The following ABI3BP variants were observed in gnomAD, a reference collection of about 807,000 sequenced individuals.
The protein encoded by ABI3BP is ABI family member 3 binding protein.
Under a neutral mutation model 268.6 loss-of-function variants are expected in ABI3BP, and 216 were observed. The observed-to-expected ratio is 0.80, with a 90% CI of 0.72 to 0.90. The LOEUF (loss-of-function observed/expected upper bound fraction) is 0.90. ABI3BP is among the 40% of genes least tolerant of loss of function. The pLI is 0.00. For missense variants in ABI3BP, 2,090 were observed against 2,182.4 expected, an observed-to-expected ratio of 0.96 and a Z score of 0.84; for synonymous variants, 730 against 730.0, an observed-to-expected ratio of 1.00 and a Z score of 0.00.
At chr3:100,787,590 A>G in intron 57 of ABI3BP, 138 bp downstream of exon 57, 1 of 666,108 alleles carries the variant, frequency 1.5e-6, no homozygotes, top group Non-Finnish European at 2.3e-6. Flanking sequence ...ATGAGTTATA[A>G]TTTTCAGTTA....
chr3:100,924,627 TA>T (rs1420738934), intron 2 of ABI3BP, among the ~76,000 whole-genome samples: 1 of 152,122 alleles, frequency 6.6e-6, no homozygotes, highest in African/African-American at 2.4e-5. Flanking sequence ...TTTCCTGTAA[TA>T]AAAAACTTTA....
chr3:100,925,745 T>C (rs1182678176), intron 2 of ABI3BP, among the ~76,000 whole-genome samples: 4 of 152,098 alleles, frequency 2.6e-5, no homozygotes, highest in African/African-American at 4.8e-5. Context: ...ATGGTTTTAT[T>C]TGCAAATAAT....
chr3:100,859,195 C>T (rs1200930097), intron 14 of ABI3BP, among the ~76,000 whole-genome samples: 6 of 152,082 alleles, frequency 3.9e-5, no homozygotes, highest in East Asian at 1.9e-4. Flanking sequence ...TTCTGCTGGT[C>T]GTTGGCTGAA....
chr3:100,889,557 G>C (rs2043539834), intron 4 of ABI3BP, among the ~76,000 whole-genome samples: 1 of 151,940 alleles, frequency 6.6e-6, no homozygotes, highest in Non-Finnish European at 1.5e-5. Context: ...GATTAAAATT[G>C]AGCACAAGTG....
At chr3:100,978,939 G>A (rs916871118) in intron 1 of ABI3BP, among the ~76,000 whole-genome samples, 1 of 152,198 alleles carries the variant, frequency 6.6e-6, no homozygotes, top group Non-Finnish European at 1.5e-5. Flanking sequence ...GTGAAAGTGG[G>A]GGAGGTTAGG....
At chr3:100,817,729 T>C (rs2098100818) in intron 41 of ABI3BP, among the ~76,000 whole-genome samples, 1 of 152,218 alleles carries the variant, frequency 6.6e-6, no homozygotes, top group Admixed American at 6.5e-5. Context: ...ATCTGATTCT[T>C]GCTACACATT....
At chr3:100,933,324 A>C (rs1008172323) in intron 1 of ABI3BP, among the ~76,000 whole-genome samples, 1 of 151,966 alleles carries the variant, frequency 6.6e-6, no homozygotes, top group Non-Finnish European at 1.5e-5. Flanking sequence ...TCAATAAAAT[A>C]ATAACATCAT....
At chr3:100,967,107 T>G (rs2081624234) in intron 1 of ABI3BP, among the ~76,000 whole-genome samples, 1 of 152,192 alleles carries the variant, frequency 6.6e-6, no homozygotes. Flanking sequence ...CTCTGGGGTT[T>G]TGGTCTCTGA....
At position 100,951,618 on chromosome 3, in the gene ABI3BP, A is replaced by G. The variant is rs7647640; in HGVS notation, c.80-25137T>C. On this transcript the variant is annotated intron_variant, in intron 1 of 67. Coordinates refer to ENST00000471714, the MANE Select transcript of ABI3BP (RefSeq NM_001375547.2). Reference sequence around the variant, plus strand: ...CTCAAAACCAGTTTACTTCTCTACCATCTATGATGTGTCACAGTCCTAGGC... The same window carrying G: ...CTCAAAACCAGTTTACTTCTCTACCGTCTATGATGTGTCACAGTCCTAGGC... 8.0e-4 allele frequency among the ~76,000 whole-genome samples: 121 copies of G among 152,000 alleles called. 2 individuals carry two copies. The highest frequency in any genetic ancestry group is 2.8e-3 in the African/African-American group (116 of 41,328).
chr3:100,772,994 C>T (rs1413466623), intron 61 of ABI3BP, among the ~76,000 whole-genome samples: 1 of 150,240 alleles, frequency 6.7e-6, no homozygotes. Flanking sequence ...AGGAAAATCA[C>T]TTGAACCCAG....
At chr3:100,984,800 A>G (rs1327295644) in intron 1 of ABI3BP, among the ~76,000 whole-genome samples, 3 of 152,126 alleles carry the variant, frequency 2.0e-5, no homozygotes, top group African/African-American at 7.2e-5. Context: ...CTTTCCTACC[A>G]TGTGCCTCCT....
chr3:100,811,641 G>T, intron 47 of ABI3BP, 87 bp downstream of exon 47: 1 of 1,336,970 alleles, frequency 7.5e-7, no homozygotes, highest in Non-Finnish European at 1.0e-6. Context: ...AAGTACCACA[G>T]CTTGAACTTT....
rs140580875 is a variant in ABI3BP, at chr3:100,799,773, C to T, written c.3758-3305G>A. Among the ~76,000 whole-genome samples, 631 of 152,210 alleles carry T rather than the reference C, an allele frequency of 4.1e-3. 4 individuals are homozygous for T. Among genetic ancestry groups the T allele is most frequent in the Non-Finnish European group, 7.5e-3 (510 of 68,006 alleles). ...TGGATTTCCGGTTTCTTATTTTCTC[C>T]ATCTATATTTTCTCCTCTATGATAT... On this transcript the variant is annotated intron_variant, in intron 51 of 67. Coordinates refer to ENST00000471714, the MANE Select transcript of ABI3BP (RefSeq NM_001375547.2).
chr3:100,789,331 C>T, intron 56 of ABI3BP, 123 bp downstream of exon 56: 1 of 847,900 alleles, frequency 1.2e-6, no homozygotes, highest in Non-Finnish European at 1.8e-6. Context: ...CCACACAGAT[C>T]AGAGTCTCTG....
intron 57 of ABI3BP, among the ~76,000 whole-genome samples, chr3:100,782,670 G>A (rs2096905627): frequency 6.6e-6 from 1 of 152,094 alleles, no homozygotes; most frequent in African/African-American, 2.4e-5. Context: ...AGAGACTAGT[G>A]AACATCTCTT....
intron 61 of ABI3BP, among the ~76,000 whole-genome samples, chr3:100,772,916 T>G (rs9823432): frequency 0.13 from 18,978 of 151,548 alleles, 1,253 homozygotes; most frequent in Middle Eastern, 0.15. Context: ...ACATCTCTAC[T>G]AAAAATACAA....
At position 100,803,155 on chromosome 3, in the gene ABI3BP, G is replaced by A. The variant is rs2097578533; in HGVS notation, c.3757+1637C>T. Among the ~76,000 whole-genome samples the A allele has an allele frequency of 1.4e-5, 2 of 146,028 alleles. 1 individual carries two copies. Among genetic ancestry groups the A allele is most frequent in the Non-Finnish European group, 3.1e-5 (2 of 64,374 alleles). On this transcript the variant is annotated intron_variant, in intron 51 of 67. Transcript: ENST00000471714. The stretch of plus-strand genomic sequence containing the variant: ...TGGAGAGGTGACAGAAGACCACTAA[G>A]AGAGACCCTAGTTCTCCAGGAGGCA...
At chr3:100,887,662 G>C (rs980349469) in intron 4 of ABI3BP, among the ~76,000 whole-genome samples, 1 of 152,030 alleles carries the variant, frequency 6.6e-6, no homozygotes, top group African/African-American at 2.4e-5. Context: ...TTCCTCAAAA[G>C]GTTAGTACCT....
intron 61 of ABI3BP, among the ~76,000 whole-genome samples, chr3:100,772,591 A>C (rs1312556491): frequency 6.6e-6 from 1 of 152,186 alleles, no homozygotes; most frequent in Non-Finnish European, 1.5e-5. Context: ...TGAAAATAAT[A>C]AAACAAAATT....
Sources: allele counts gnomAD v4.1 joint callset (sites outside exome capture counted in the v4.1 genomes callset), GRCh38; gene constraint gnomAD v4.1.1; transcripts MANE v1.5; gene names NCBI Gene and HGNC (gene_info 2026-07-23, HGNC 2026-07-21).